Variants in FHIP2A observed in about 807,000 individuals in gnomAD.
FHIP2A encodes the protein family with sequence similarity 160 member B1.
Under a neutral mutation model 93.5 loss-of-function variants are expected in FHIP2A, and 46 were observed. The ratio of observed to expected loss-of-function variants is 0.49; its 90% CI spans 0.39 to 0.63. FHIP2A has a LOEUF of 0.63. FHIP2A is among the 20% of genes least tolerant of loss of function. FHIP2A has a pLI of 0.00. For synonymous variants in FHIP2A, 332 were observed against 326.5 expected (o/e 1.02, Z -0.18); for missense variants, 769 against 909.7 (o/e 0.85, Z 1.99).
Position 114,847,197 on chromosome 10 carries a change from A to T in FHIP2A, c.1676A>T (p.Asn559Ile). 6.2e-7 allele frequency: 1 copy of T among 1,612,914 alleles called. No individual in the cohort carries two copies. Among genetic ancestry groups the T allele is most frequent in the Admixed American group, 1.7e-5 (1 of 59,780 alleles). Residue 559 changes from asparagine to isoleucine, a missense_variant, in exon 12 of 17, where the codon AAT (asparagine) becomes ATT (isoleucine). Coordinates refer to ENST00000369248, the MANE Select transcript of FHIP2A (RefSeq NM_020940.4). ...CCTGCTACTCCAGACCACCCCAAAA[A>T]TGATGGAAAAACTGAAGTTCATAAA... ...SPPATPDHPK[N>I]DGKTEVHKIV...
At chr10:114,822,148 C>A in intron 1 of FHIP2A, 25 bp downstream of exon 1, 1 of 1,284,388 alleles carries the variant, frequency 7.8e-7, no homozygotes, top group South Asian at 2.3e-5. Flanking sequence ...TGCGGGCGCA[C>A]GGCAGGCCGG....
intron 16 of FHIP2A, among the ~76,000 whole-genome samples, chr10:114,879,997 T>C (rs2083909090): frequency 6.6e-6 from 1 of 152,158 alleles, no homozygotes; most frequent in Non-Finnish European, 1.5e-5. Flanking sequence ...CACACTTATT[T>C]AGAGGGGTGA....
chr10:114,867,994 T>G (rs2083838561), downstream of FHIP2A, among the ~76,000 whole-genome samples: 1 of 150,232 alleles, frequency 6.7e-6, no homozygotes, highest in African/African-American at 2.5e-5. Context: ...CAGGCTGGAG[T>G]GCGGTGGCAC....
chr10:114,878,791 A>AAAAG (rs35334845), intron 16 of FHIP2A, among the ~76,000 whole-genome samples: 9,400 of 134,890 alleles, frequency 0.07, 501 homozygotes, highest in African/African-American at 0.11. Context: ...AAAAAAAAAA[A>AAAAG]AAAGAAAGAA....
chr10:114,894,156 C>A (rs1054523917), intron 16 of FHIP2A, among the ~76,000 whole-genome samples: 4 of 152,068 alleles, frequency 2.6e-5, no homozygotes, highest in African/African-American at 4.8e-5. Context: ...TTTTATGATT[C>A]TTTCATTGAT....
At chr10:114,886,422 G>GA (rs553182351) in intron 16 of FHIP2A, among the ~76,000 whole-genome samples, 150 of 148,770 alleles carry the variant, frequency 1.0e-3, no homozygotes, top group African/African-American at 3.0e-3. Context: ...TTCTCTGAAA[G>GA]AAAAAAAAAC....
chr10:114,882,874 C>CAA (rs11295786), intron 16 of FHIP2A, among the ~76,000 whole-genome samples: 10 of 124,926 alleles, frequency 8.0e-5, no homozygotes, highest in African/African-American at 2.7e-4. Context: ...GACTCTGTCT[C>CAA]AAAAAAAAAA....
At position 114,833,380 on chromosome 10, in the gene FHIP2A, T is replaced by A; in HGVS notation, c.272T>A (p.Leu91Ter). 1 of 1,613,946 alleles carries A rather than the reference T, an allele frequency of 6.2e-7. No individual in the cohort carries two copies. The highest frequency in any genetic ancestry group is 8.5e-7 in the Non-Finnish European group (1 of 1,179,914). ...CTTCATCACAAGATCTTGGAAACATTATATACCTTGGGGAAAGCTGATGTA... is the reference window on the plus strand; with the variant it reads ...CTTCATCACAAGATCTTGGAAACATAATATACCTTGGGGAAAGCTGATGTA... ...YLLHHKILET[L>*]YTLGKADCPP... The change falls in exon 3 of 17, where the codon TTA becomes TAA. Residue 91 changes from leucine (L) to a stop codon, truncating the protein, a stop_gained. Transcript: ENST00000369248. LOFTEE classifies it high-confidence loss of function.
intron 13 of FHIP2A, among the ~76,000 whole-genome samples, chr10:114,849,361 C>T (rs2083721180): frequency 6.6e-6 from 1 of 152,084 alleles, no homozygotes; most frequent in Admixed American, 6.5e-5. Flanking sequence ...GATCCTCATA[C>T]ACAAGCCATT....
intron 16 of FHIP2A, among the ~76,000 whole-genome samples, chr10:114,886,509 C>G (rs896085385): frequency 6.6e-6 from 1 of 150,680 alleles, no homozygotes; most frequent in Non-Finnish European, 1.5e-5. Context: ...TCAGATAATT[C>G]TGCAAAGTAG....
intron 5 of FHIP2A, among the ~76,000 whole-genome samples, chr10:114,838,948 C>T (rs1360426175): frequency 6.6e-6 from 1 of 152,144 alleles, no homozygotes; most frequent in Non-Finnish European, 1.5e-5. Flanking sequence ...TACAGTCCCC[C>T]AGCACTGGTT....
chr10:114,884,562 G>A (rs1019005759), intron 16 of FHIP2A, among the ~76,000 whole-genome samples: 3 of 152,102 alleles, frequency 2.0e-5, no homozygotes, highest in South Asian at 2.1e-4. Flanking sequence ...CTTAATAAAC[G>A]TTGCCCCCAT....
In FHIP2A at chr10:114,845,409, A is replaced by C. The variant is rs756528155; in HGVS notation, c.1056A>C (p.Pro352=). 2 of 1,613,554 alleles carry C rather than the reference A, an allele frequency of 1.2e-6. No individual in the cohort carries two copies. The highest frequency in any genetic ancestry group is 2.2e-5 in the South Asian group (2 of 91,064). The change falls in exon 8 of 17, where the codon CCA becomes CCC. Residue 352 remains proline (P), a synonymous_variant. Transcript: ENST00000369248. ...YSHKEDASAF[P]GKRALISFLS... is the part of the protein sequence containing the mutation. ...ATAAAGAAGATGCTTCAGCATTTCC[A>C]GGAAAACGAGCCTTAATTTCATTTC... is the stretch of plus-strand genomic sequence containing the variant.
At chr10:114,857,274 T>C (rs1005776258) in intron 14 of FHIP2A, among the ~76,000 whole-genome samples, 1 of 151,898 alleles carries the variant, frequency 6.6e-6, no homozygotes. Flanking sequence ...TGATACTTGC[T>C]TGTAGTTTCT....
At chr10:114,846,811 C>G in intron 11 of FHIP2A, 83 bp downstream of exon 11, 1 of 1,270,900 alleles carries the variant, frequency 7.9e-7, no homozygotes, top group Non-Finnish European at 1.1e-6. Context: ...CTCCCTTATC[C>G]TCAAAAGAAA....
chr10:114,884,597 G>A (rs2083932401), intron 16 of FHIP2A, among the ~76,000 whole-genome samples: 1 of 152,174 alleles, frequency 6.6e-6, no homozygotes, highest in Non-Finnish European at 1.5e-5. Flanking sequence ...GTCAGGGAAT[G>A]AAGATTAACT....
intron 1 of FHIP2A, among the ~76,000 whole-genome samples, chr10:114,826,759 C>T (rs567137968): frequency 4.1e-4 from 62 of 152,112 alleles, no homozygotes; most frequent in Non-Finnish European, 7.6e-4. Context: ...TTTGGGAGGC[C>T]GAGGCGGACG....
chr10:114,864,846 G>A (rs2083820658), downstream of FHIP2A: 4 of 216,518 alleles, frequency 1.8e-5, no homozygotes, highest in African/African-American at 2.3e-5. Flanking sequence ...GGTCTCTATA[G>A]TATTCTAGGG....
At chr10:114,846,759 C>A in intron 11 of FHIP2A, 31 bp downstream of exon 11, 1 of 1,545,750 alleles carries the variant, frequency 6.5e-7, no homozygotes, top group Non-Finnish European at 8.7e-7. Flanking sequence ...GTGAGTTCAG[C>A]ATTTCATGTA....
Sources: allele counts gnomAD v4.1 joint callset (sites outside exome capture counted in the v4.1 genomes callset), GRCh38; gene constraint gnomAD v4.1.1; transcripts MANE v1.5; gene names NCBI Gene and HGNC (gene_info 2026-07-23, HGNC 2026-07-21).